CDK14: variants seen among roughly 807,000 people sequenced by gnomAD.
CDK14 encodes cyclin-dependent kinase 14.
In CDK14, 34 loss-of-function variants were observed where a neutral mutation model predicts 60.7. The ratio of observed to expected loss-of-function variants is 0.56; its 90% CI spans 0.43 to 0.75. The LOEUF (loss-of-function observed/expected upper bound fraction) is 0.75, where lower values mean the gene tolerates loss of function less well. Among genes scored for constraint, CDK14 ranks in the 30% least tolerant of loss-of-function variants. The pLI is 0.00. For missense variants in CDK14, 482 were observed against 564.1 expected, an observed-to-expected ratio of 0.85 and a Z score of 1.47; for synonymous variants, 197 against 203.7, an observed-to-expected ratio of 0.97 and a Z score of 0.28.
chr7:90,858,542 A>T (rs1228621563), intron 5 of CDK14, among the ~76,000 whole-genome samples: 1 of 152,240 alleles, frequency 6.6e-6, no homozygotes, highest in Non-Finnish European at 1.5e-5. Context: ...ACAAGATTGC[A>T]AATAATGTTC....
chr7:90,849,494 C>T (rs1790572983), intron 5 of CDK14, among the ~76,000 whole-genome samples: 1 of 151,916 alleles, frequency 6.6e-6, no homozygotes, highest in African/African-American at 2.4e-5. Context: ...TAGGTTTTTA[C>T]ACATGACATT....
chr7:90,936,755 G>A (rs1793767475), intron 8 of CDK14, among the ~76,000 whole-genome samples: 1 of 152,150 alleles, frequency 6.6e-6, no homozygotes, highest in Admixed American at 6.6e-5. Context: ...GTACACGAAT[G>A]CATATGCACG....
At chr7:91,046,330 G>A (rs1479924756) in intron 11 of CDK14, among the ~76,000 whole-genome samples, 1 of 152,038 alleles carries the variant, frequency 6.6e-6, no homozygotes, top group Admixed American at 6.6e-5. Context: ...GTATTAAATT[G>A]TAAAAAGGAA....
chr7:90,885,338 C>T (rs1053588782), intron 6 of CDK14, among the ~76,000 whole-genome samples: 3 of 152,170 alleles, frequency 2.0e-5, no homozygotes, highest in Non-Finnish European at 2.9e-5. Context: ...ATCTCAACAT[C>T]ACTGATCATC....
At chr7:90,935,016 A>G (rs1793706579) in intron 8 of CDK14, among the ~76,000 whole-genome samples, 1 of 152,244 alleles carries the variant, frequency 6.6e-6, no homozygotes, top group Non-Finnish European at 1.5e-5. Context: ...TATTTCCTCA[A>G]TCCCCTGGAA....
At chr7:90,842,231 C>G (rs1348075754) in intron 5 of CDK14, among the ~76,000 whole-genome samples, 1 of 152,124 alleles carries the variant, frequency 6.6e-6, no homozygotes, top group African/African-American at 2.4e-5. Flanking sequence ...TCCTATGAAG[C>G]CATCATTTGA....
At chr7:90,997,293 T>A (rs1409972200) in intron 10 of CDK14, among the ~76,000 whole-genome samples, 1 of 152,168 alleles carries the variant, frequency 6.6e-6, no homozygotes, top group East Asian at 1.9e-4. Context: ...CTGACATGGC[T>A]TAGATATTGA....
intron 5 of CDK14, among the ~76,000 whole-genome samples, chr7:90,847,629 A>G (rs1398231977): frequency 6.6e-6 from 1 of 152,130 alleles, no homozygotes; most frequent in Non-Finnish European, 1.5e-5. Flanking sequence ...ATGTTACAAT[A>G]TTGGTAGTTA....
At chr7:91,093,196 C>T (rs114637538) in intron 12 of CDK14, among the ~76,000 whole-genome samples, 116 of 152,208 alleles carry the variant, frequency 7.6e-4, no homozygotes, top group African/African-American at 2.7e-3. Context: ...TGGAAGTATT[C>T]GAGCATAAGG....
chr7:90,670,423 T>C (rs959081875), intron 2 of CDK14, among the ~76,000 whole-genome samples: 1 of 152,216 alleles, frequency 6.6e-6, no homozygotes, highest in African/African-American at 2.4e-5. Flanking sequence ...ATTTCATACC[T>C]TCTGTTTGAG....
Position 91,175,572 on chromosome 7 carries a change from T to G in CDK14, c.*29-31593T>G, listed in dbSNP as rs945116801. Reference sequence around the variant, plus strand: ...CTGTATTCAGGAAACCCATCTCACGTGCAGAGACACACATAGGCTCAAAAT... The same window carrying G: ...CTGTATTCAGGAAACCCATCTCACGGGCAGAGACACACATAGGCTCAAAAT... On this transcript the variant is annotated intron_variant, in intron 14 of 14. Coordinates refer to ENST00000380050, the MANE Select transcript of CDK14 (RefSeq NM_001287135.2). 4.5e-3 allele frequency among the ~76,000 whole-genome samples: 685 copies of G among 151,976 alleles called. 7 individuals are homozygous for G. The highest frequency in any genetic ancestry group is 0.016 in the African/African-American group (646 of 41,458).
At chr7:90,656,621 G>T (rs145824256) in intron 2 of CDK14, among the ~76,000 whole-genome samples, 2,366 of 152,146 alleles carry the variant, frequency 0.016, 90 homozygotes, top group African/African-American at 0.052. Context: ...CTTGTGATCT[G>T]CCTGCCTCGG....
At chr7:91,187,640 T>C (rs1449998972) in intron 14 of CDK14, among the ~76,000 whole-genome samples, 3 of 152,070 alleles carry the variant, frequency 2.0e-5, no homozygotes, top group African/African-American at 7.2e-5. Context: ...GGAGGTTTAA[T>C]AGGCAAAAGA....
chr7:91,157,576 C>T (rs146084662), intron 14 of CDK14, among the ~76,000 whole-genome samples: 326 of 152,308 alleles, frequency 2.1e-3, no homozygotes, highest in African/African-American at 7.0e-3. Flanking sequence ...CCGGAGTTAA[C>T]TGTCCTGGTT....
intron 4 of CDK14, among the ~76,000 whole-genome samples, chr7:90,769,673 G>A (rs557562619): frequency 6.6e-6 from 1 of 152,094 alleles, no homozygotes; most frequent in Non-Finnish European, 1.5e-5. Context: ...TGCTATGTTG[G>A]CCAGGCTGGT....
At chr7:90,819,996 T>G (rs1225320729) in intron 5 of CDK14, among the ~76,000 whole-genome samples, 1 of 152,206 alleles carries the variant, frequency 6.6e-6, no homozygotes, top group Non-Finnish European at 1.5e-5. Flanking sequence ...AACAACTGTC[T>G]CTTTCTGTAG....
intron 14 of CDK14, among the ~76,000 whole-genome samples, chr7:91,200,668 C>T (rs1394782384): frequency 1.3e-5 from 2 of 152,184 alleles, no homozygotes; most frequent in African/African-American, 4.8e-5. Context: ...CTCCATATAC[C>T]TTCAGAAGGA....
intron 10 of CDK14, among the ~76,000 whole-genome samples, chr7:90,990,615 A>C (rs1235180475): frequency 6.6e-6 from 1 of 152,180 alleles, no homozygotes; most frequent in Non-Finnish European, 1.5e-5. Context: ...ACCAACATTA[A>C]ACATTTTTGT....
intron 6 of CDK14, among the ~76,000 whole-genome samples, chr7:90,867,125 C>CA (rs909576220): frequency 2.0e-5 from 3 of 152,102 alleles, no homozygotes; most frequent in African/African-American, 7.2e-5. Flanking sequence ...TCTAATATGT[C>CA]AAACATGAAG....
Sources: allele counts gnomAD v4.1 joint callset (sites outside exome capture counted in the v4.1 genomes callset), GRCh38; gene constraint gnomAD v4.1.1; transcripts MANE v1.5; gene names NCBI Gene and HGNC (gene_info 2026-07-23, HGNC 2026-07-21).